CPSF6: variants seen among roughly 807,000 people sequenced by gnomAD.
The protein encoded by CPSF6 is cleavage and polyadenylation specificity factor subunit 6.
Under a neutral mutation model 56.7 loss-of-function variants are expected in CPSF6, and 10 were observed. That is an observed-to-expected ratio of 0.18 (90% CI 0.11 to 0.30). The LOEUF (loss-of-function observed/expected upper bound fraction) is 0.30, where lower values mean the gene tolerates loss of function less well. Ranked by LOEUF, CPSF6 falls within the 10% of genes least tolerant of loss-of-function variation. CPSF6 has a pLI of 1.00. For synonymous variants in CPSF6, 248 were observed against 244.8 expected (o/e 1.01, Z -0.12); for missense variants, 419 against 722.9 (o/e 0.58, Z 4.82).
intron 2 of CPSF6, 82 bp from the exon 3 acceptor site, chr12:69,252,969 A>G: frequency 1.3e-6 from 1 of 780,218 alleles, no homozygotes. Context: ...TTATGTCTCA[A>G]ATTTCCCCTT....
chr12:69,244,267 G>A (rs926826503), intron 1 of CPSF6, among the ~76,000 whole-genome samples: 7 of 151,696 alleles, frequency 4.6e-5, no homozygotes, highest in Admixed American at 2.0e-4. Context: ...ATGGAGTCTC[G>A]CTTTGTCACC....
rs755392025 is a variant in CPSF6 at position 69,259,998 on chromosome 12, G to C, written c.1316-46G>C. On this transcript the variant is annotated intron_variant, in intron 7 of 9. Transcript: ENST00000435070. ...ATCCCAAGTGGTTTGATGGTGTTTT[G>C]AAAACAAAATTTGTTTGACTTCAAA... is the stretch of plus-strand genomic sequence containing the variant. 3.8e-5 allele frequency: 60 copies of C among 1,599,310 alleles called. 1 individual carries two copies. The South Asian group carries it at 4.6e-4, about 12-fold the overall frequency.
At chr12:69,257,656 G>A (rs1165206498) in intron 4 of CPSF6, 76 bp from the exon 5 acceptor site, 1 of 1,372,828 alleles carries the variant, frequency 7.3e-7, no homozygotes, top group African/African-American at 1.5e-5. Context: ...AAATAGAGTT[G>A]TTTTTAATAA....
intron 8 of CPSF6, 41 bp downstream of exon 8, chr12:69,260,238 A>G (rs1480479695): frequency 1.4e-6 from 2 of 1,438,590 alleles, no homozygotes; most frequent in African/African-American, 1.5e-5. Context: ...AAAAACTGTT[A>G]GTTTACAAAT....
chr12:69,252,812 T>A (rs1388586012), intron 2 of CPSF6, among the ~76,000 whole-genome samples: 10 of 152,206 alleles, frequency 6.6e-5, no homozygotes, highest in Non-Finnish European at 1.5e-4. Context: ...AATCTTATTG[T>A]AACCCCAAGG....
At chr12:69,247,978 A>ACC (rs1565643484) in intron 1 of CPSF6, among the ~76,000 whole-genome samples, 1 of 152,236 alleles carries the variant, frequency 6.6e-6, no homozygotes, top group Non-Finnish European at 1.5e-5. Context: ...TGGAGATCAA[A>ACC]CCCCAGGACC....
At chr12:69,268,110 C>T (rs1466607474) in intron 9 of CPSF6, among the ~76,000 whole-genome samples, 1 of 151,658 alleles carries the variant, frequency 6.6e-6, no homozygotes, top group Non-Finnish European at 1.5e-5. Context: ...GAACATATGC[C>T]TTGTCTCTCT....
rs775860508 is a variant in CPSF6, at chr12:69,239,721, A to G, written c.60+15A>G. 2.5e-6 allele frequency: 4 copies of G among 1,568,634 alleles called. No homozygotes were observed. Among genetic ancestry groups the G allele is most frequent in the Admixed American group, 3.6e-5 (2 of 55,458 alleles). ...AGTTCAACCAGGTACGTGAGAGCCC[A>G]GGTCCCCGCCGCCGACGCGGGCGGC... On this transcript the variant is annotated intron_variant, in intron 1 of 9. Coordinates refer to ENST00000435070, the MANE Select transcript of CPSF6 (RefSeq NM_007007.3).
chr12:69,242,246 T>C (rs1397120577), intron 1 of CPSF6, among the ~76,000 whole-genome samples: 6 of 152,296 alleles, frequency 3.9e-5, no homozygotes, highest in East Asian at 1.9e-4. Context: ...GCAGTTCTCA[T>C]TGGATTTGTA....
chr12:69,248,386 A>G (rs368119884), intron 1 of CPSF6, among the ~76,000 whole-genome samples: 1 of 152,216 alleles, frequency 6.6e-6, no homozygotes, highest in South Asian at 2.1e-4. Flanking sequence ...TGGAAACTCA[A>G]CTCCCTTTGA....
At chr12:69,249,080 G>A (rs1055493609) in intron 1 of CPSF6, among the ~76,000 whole-genome samples, 7 of 145,534 alleles carry the variant, frequency 4.8e-5, no homozygotes, top group Non-Finnish European at 9.0e-5. Flanking sequence ...CTAACACGGT[G>A]AAACCCCATC....
rs151042767 is a variant in CPSF6, at chr12:69,248,035, C to T, written c.61-3094C>T. ...CTACAACCACTTGGAAGCAGTACAA[C>T]TACCAGACAAAATGGCTGATCCTAA... On this transcript the variant is annotated intron_variant, in intron 1 of 9. Coordinates refer to ENST00000435070, the MANE Select transcript of CPSF6 (RefSeq NM_007007.3). Among the ~76,000 whole-genome samples, 103 of 152,300 alleles carry T rather than the reference C, an allele frequency of 6.8e-4. 3 individuals carry two copies. In the East Asian group the frequency reaches 0.019, roughly 29 times the overall value.
At chr12:69,243,815 T>C (rs1344431361) in intron 1 of CPSF6, among the ~76,000 whole-genome samples, 2 of 152,208 alleles carry the variant, frequency 1.3e-5, no homozygotes, top group African/African-American at 4.8e-5. Context: ...ACTTTTTTCT[T>C]CAATAATACA....
chr12:69,251,123 T>A lies in CPSF6; in HGVS notation c.61-6T>A, dbSNP rs1476258252. On this transcript the variant is annotated splice_polypyrimidine_tract_variant and splice_region_variant and intron_variant, in intron 1 of 9. Transcript: ENST00000435070. ...TATAATCTAGAGCATTATTTCTGTA[T>A]CTCAGGAAGCTGAATATGGTGGGCA... 1 of 1,605,670 alleles carries A rather than the reference T, an allele frequency of 6.2e-7. No homozygotes were observed. Among genetic ancestry groups the A allele is most frequent in the Non-Finnish European group, 8.5e-7 (1 of 1,173,916 alleles).
intron 1 of CPSF6, among the ~76,000 whole-genome samples, chr12:69,245,658 T>TA (rs1434775999): frequency 1.3e-5 from 2 of 152,184 alleles, no homozygotes; most frequent in Admixed American, 1.3e-4. Flanking sequence ...TAGGGAAACT[T>TA]ACACTGCTTG....
rs759490962 is a variant in CPSF6 at position 69,259,017 on chromosome 12, T to G, written c.1122T>G (p.Asp374Glu). ...PPTNSGMPTS[D>E]SRGPPPTDPY... ...CTAACAGTGGCATGCCTACATCAGATAGCCGAGGTCCACCACCAACAGATC... is the reference window on the plus strand; with the variant it reads ...CTAACAGTGGCATGCCTACATCAGAGAGCCGAGGTCCACCACCAACAGATC... The change falls in exon 6 of 10, where the codon GAT becomes GAG. Residue 374 changes from aspartate (D) to glutamate (E), a missense_variant. By Grantham distance (45) the Asp-to-Glu change is conservative (BLOSUM62 2). This residue lies in a region of CPSF6 where 211 missense variants were observed against 296.0 expected (regional missense o/e 0.71). Transcript: ENST00000435070. 3 of 1,609,884 alleles carry G rather than the reference T, an allele frequency of 1.9e-6. No homozygotes were observed. The highest frequency in any genetic ancestry group is 1.6e-4 in the Middle Eastern group (1 of 6,062).
chr12:69,240,137 C>T (rs897774828), intron 1 of CPSF6, among the ~76,000 whole-genome samples: 1 of 151,692 alleles, frequency 6.6e-6, no homozygotes, highest in Non-Finnish European at 1.5e-5. Context: ...CGCGTGCCCG[C>T]CGCCGCCGCC....
rs1397777666 is a variant in CPSF6, at chr12:69,258,280, T to C, written c.695-310T>C. 2 of 632,844 alleles carry C rather than the reference T, an allele frequency of 3.2e-6. No homozygotes were observed. Among genetic ancestry groups the C allele is most frequent in the Non-Finnish European group, 5.4e-6 (2 of 373,486 alleles). 39.2% of individuals were successfully genotyped at this position (632,844 alleles called of 1,614,324 possible). ...TTTCTAGCTTGGCATCAGAGTAGAA[T>C]ATAAGGTGGGTGATTTCACTGTAAG... is the stretch of plus-strand genomic sequence containing the variant. On this transcript the variant is annotated intron_variant, in intron 5 of 9. Transcript: ENST00000435070. This position sits in a 1 kb window ranked among gnomAD's most constrained non-coding sequence, Gnocchi z 4.2.
chr12:69,252,584 TA>T (rs1168240304), intron 2 of CPSF6, among the ~76,000 whole-genome samples: 9 of 152,196 alleles, frequency 5.9e-5, no homozygotes, highest in Admixed American at 5.9e-4. Flanking sequence ...ATGGGTATAA[TA>T]ATAGTGCTTA....
Sources: gnomAD v4.1 joint callset for allele counts (sites outside exome capture counted in the v4.1 genomes callset) on GRCh38, gnomAD v4.1.1 for gene constraint, gnomAD v4.1.1 regional missense constraint, Gnocchi (gnomAD v3.1) non-coding constraint, MANE v1.5 for transcripts, NCBI Gene and HGNC (gene_info 2026-07-23, HGNC 2026-07-21) for gene names.